The following INSR variants were observed in gnomAD, a reference collection of about 807,000 sequenced individuals.
The protein encoded by INSR is insulin receptor.
A neutral mutation model predicts 142.6 loss-of-function variants in INSR; 67 were observed. The observed-to-expected ratio is 0.47, with a 90% CI of 0.39 to 0.58. The LOEUF is 0.58. INSR is among the 20% of genes least tolerant of loss of function. INSR has a pLI of 0.00. For missense variants in INSR, 1,248 were observed against 1,833.2 expected, an observed-to-expected ratio of 0.68 and a Z score of 5.83; for synonymous variants, 756 against 743.1, an observed-to-expected ratio of 1.02 and a Z score of -0.28.
Position 7,294,154 on chromosome 19 carries a change from C to G in INSR, c.-263G>C, listed in dbSNP as rs1364874058. ...CCCCCCGGCCGCTGCGGCCCGGGCC[C>G]CGTCCCAGGATCTCGGGGCCCGGAG... On this transcript the variant is annotated 5_prime_UTR_variant, in exon 1 of 22. Coordinates refer to ENST00000302850, the MANE Select transcript of INSR (RefSeq NM_000208.4). The G allele has an allele frequency of 5.5e-6, 1 of 180,650 alleles. No homozygotes were observed. The highest frequency in any genetic ancestry group is 1.1e-5 in the Non-Finnish European group (1 of 88,218). 11.2% of individuals were successfully genotyped at this position (180,650 alleles called of 1,614,324 possible). A position where few individuals can be genotyped will look rare whatever the true frequency, so the allele number is the denominator to read the frequency against.
At chr19:7,138,127 C>T (rs1052161867) in intron 13 of INSR, among the ~76,000 whole-genome samples, 3 of 151,736 alleles carry the variant, frequency 2.0e-5, no homozygotes, top group African/African-American at 7.3e-5. Flanking sequence ...CCATGCCCGG[C>T]TAATTTTTTT....
rs1555733530 is a variant in INSR, at chr19:7,114,667, G to C, written c.*2389C>G. On this transcript the variant is annotated 3_prime_UTR_variant, in exon 22 of 22. Coordinates refer to ENST00000302850, the MANE Select transcript of INSR (RefSeq NM_000208.4). ...TCTTAACAATACACTGAGGTAGACTGTGCTGAAAAAAGAAAATCACTATCC... is the reference window on the plus strand; with the variant it reads ...TCTTAACAATACACTGAGGTAGACTCTGCTGAAAAAAGAAAATCACTATCC... The C allele has an allele frequency of 6.6e-6, 1 of 152,530 alleles. No individual in the cohort carries two copies. The highest frequency in any genetic ancestry group is 1.5e-5 in the Non-Finnish European group (1 of 68,026). The allele number at this position is 152,530 out of a possible 1,614,324, so 9.4% of individuals were successfully genotyped here.
intron 2 of INSR, among the ~76,000 whole-genome samples, chr19:7,201,128 T>C (rs1974942049): frequency 6.6e-6 from 1 of 152,070 alleles, no homozygotes; most frequent in Non-Finnish European, 1.5e-5. Flanking sequence ...GCATTTTGAG[T>C]CCATATAAAT....
intron 8 of INSR, 22 bp from the exon 9 acceptor site, chr19:7,163,221 G>A (rs1460251740): frequency 6.2e-7 from 1 of 1,600,930 alleles, no homozygotes; most frequent in Non-Finnish European, 8.6e-7. Context: ...AAAGGAAATG[G>A]GTCCATCATG....
Position 7,267,661 on chromosome 19 carries a change from T to G in INSR, c.336A>C (p.Ser112=). The G allele has an allele frequency of 6.2e-7, 1 of 1,614,030 alleles. No individual in the cohort carries two copies. The highest frequency in any genetic ancestry group is 8.5e-7 in the Non-Finnish European group (1 of 1,179,984). The part of the protein sequence containing the change: ...LFPNLTVIRG[S]RLFFNYALVI... Reference sequence around the variant, plus strand: ...CCAGCGCGTAGTTAAAGAACAGTCGTGATCCCCGGATGACCGTGAGGTTGG... The same window carrying G: ...CCAGCGCGTAGTTAAAGAACAGTCGGGATCCCCGGATGACCGTGAGGTTGG... Residue 112 remains serine (S), a synonymous_variant, in exon 2 of 22, where the codon TCA becomes TCC. Coordinates refer to ENST00000302850, the MANE Select transcript of INSR (RefSeq NM_000208.4). This position sits in a 1 kb window ranked among gnomAD's most constrained non-coding sequence, Gnocchi z 6.3.
rs1303587353 is a variant in INSR, at chr19:7,116,554, A to C, written c.*502T>G. ...TCAGCCTGGATGAGAGAAAAAAAAA[A>C]AACCAAAAAAACCATCTTGAAGCTC... On this transcript the variant is annotated 3_prime_UTR_variant, in exon 22 of 22. Transcript: ENST00000302850. 6.6e-6 allele frequency: 1 copy of C among 152,110 alleles called. No homozygotes were observed. Among genetic ancestry groups the C allele is most frequent in the African/African-American group, 2.4e-5 (1 of 41,290 alleles). The allele number at this position is 152,110 out of a possible 1,614,324, so 9.4% of individuals were successfully genotyped here. A position where few individuals can be genotyped will look rare whatever the true frequency, so the allele number is the denominator to read the frequency against.
At chr19:7,199,188 GT>G (rs1196417655) in intron 2 of INSR, among the ~76,000 whole-genome samples, 2 of 152,044 alleles carry the variant, frequency 1.3e-5, no homozygotes, top group Non-Finnish European at 2.9e-5. Context: ...TGTGTAATCT[GT>G]TTGCAGCACA....
intron 2 of INSR, among the ~76,000 whole-genome samples, chr19:7,218,533 CTGTT>C (rs925760015): frequency 6.6e-5 from 10 of 151,516 alleles, no homozygotes; most frequent in East Asian, 1.9e-4. Flanking sequence ...TTGTTTTTTT[CTGTT>C]TGTTTGTTTC....
At chr19:7,152,661 A>G in intron 10 of INSR, 65 bp downstream of exon 10, 1 of 1,344,728 alleles carries the variant, frequency 7.4e-7, no homozygotes, top group African/African-American at 1.4e-5. Flanking sequence ...GTCCCTAAGT[A>G]ATGACCTTCC....
Position 7,150,367 on chromosome 19 carries a change from C to T in INSR, c.2267+130G>A. The T allele has an allele frequency of 1.3e-6, 1 of 769,866 alleles. No individual in the cohort carries two copies. The highest frequency in any genetic ancestry group is 2.3e-6 in the Non-Finnish European group (1 of 444,368). 47.7% of individuals were successfully genotyped at this position (769,866 alleles called of 1,614,324 possible). ...TTGGATTTCTGAATTGGTGAAGCAT[C>T]TGCTCTCCAGCACAGCTGCCCGCCG... On this transcript the variant is annotated intron_variant, in intron 11 of 21. Coordinates refer to ENST00000302850, the MANE Select transcript of INSR (RefSeq NM_000208.4). This position sits in a 1 kb window ranked among gnomAD's most constrained non-coding sequence, Gnocchi z 4.2.
intron 13 of INSR, among the ~76,000 whole-genome samples, chr19:7,137,798 C>CAAAAAAAAAAA (rs1176523364): frequency 1.7e-4 from 7 of 41,482 alleles, no homozygotes; most frequent in African/African-American, 7.1e-4. Flanking sequence ...GACTCCATCT[C>CAAAAAAAAAAA]AAAAAAAAAA....
intron 19 of INSR, among the ~76,000 whole-genome samples, chr19:7,122,154 A>C (rs1972507411): frequency 6.7e-6 from 1 of 150,328 alleles, no homozygotes; most frequent in Non-Finnish European, 1.5e-5. Context: ...AAAAAAGAAA[A>C]AAAAAAAAAG....
intron 2 of INSR, among the ~76,000 whole-genome samples, chr19:7,237,037 A>T (rs1405468227): frequency 6.6e-6 from 1 of 151,758 alleles, no homozygotes; most frequent in Non-Finnish European, 1.5e-5. Context: ...AAAAAAAAAA[A>T]AAAAAAGATA....
At chr19:7,254,066 A>G (rs971124109) in intron 2 of INSR, among the ~76,000 whole-genome samples, 1 of 151,566 alleles carries the variant, frequency 6.6e-6, no homozygotes, top group Non-Finnish European at 1.5e-5. Context: ...AGAAAAAAGG[A>G]AAAGGAAAAA....
At chr19:7,255,536 C>CTT (rs1555687944) in intron 2 of INSR, among the ~76,000 whole-genome samples, 13 of 120,006 alleles carry the variant, frequency 1.1e-4, no homozygotes, top group African/African-American at 3.1e-4. Context: ...CTTGTCTTTT[C>CTT]TCTTTCTTTC....
chr19:7,268,451 A>C, intron 1 of INSR: 1 of 985,246 alleles, frequency 1.0e-6, no homozygotes, highest in Non-Finnish European at 1.2e-6. Context: ...CCCGATCTCC[A>C]TTGCCCAAAT....
chr19:7,118,248 T>C (rs531239212), intron 21 of INSR, among the ~76,000 whole-genome samples: 2 of 151,916 alleles, frequency 1.3e-5, no homozygotes, highest in South Asian at 4.2e-4. Flanking sequence ...TCTAAATATA[T>C]ATATATGTAC....
chr19:7,123,465 C>T lies in INSR; in HGVS notation c.3259-476G>A, dbSNP rs371892225. Among the ~76,000 whole-genome samples, 185 of 152,042 alleles carry T rather than the reference C, an allele frequency of 1.2e-3. 1 individual carries two copies. The highest frequency in any genetic ancestry group is 3.9e-3 in the African/African-American group (162 of 41,472). Reference sequence around the variant, plus strand: ...ATTATAGCCACTGCACCCAGCCAGGCCTTTGTATTTTAATCATTCCCTCTG... The same window carrying T: ...ATTATAGCCACTGCACCCAGCCAGGTCTTTGTATTTTAATCATTCCCTCTG... On this transcript the variant is annotated intron_variant, in intron 17 of 21. Transcript: ENST00000302850.
Position 7,267,868 on chromosome 19 carries a change from G to A in INSR, c.129C>T (p.Asn43=), listed in dbSNP as rs1271021867. The A allele has an allele frequency of 2.5e-6, 4 of 1,614,014 alleles. No individual in the cohort carries two copies. The South Asian group carries it at 3.3e-5, about 13-fold the overall frequency. ...EVCPGMDIRN[N]LTRLHELENC... ...TCTCCAGCTCATGCAACCTAGTGAG[G>A]TTGTTCCGGATATCCATGCCGGGAC... is the stretch of plus-strand genomic sequence containing the variant. The change falls in exon 2 of 22, where the codon AAC becomes AAT. Residue 43 remains asparagine, a synonymous_variant. Coordinates refer to ENST00000302850, the MANE Select transcript of INSR (RefSeq NM_000208.4). This position sits in a 1 kb window ranked among gnomAD's most constrained non-coding sequence, Gnocchi z 6.3.
Sources: allele counts gnomAD v4.1 joint callset (sites outside exome capture counted in the v4.1 genomes callset), GRCh38; gene constraint gnomAD v4.1.1; non-coding constraint Gnocchi (gnomAD v3.1); transcripts MANE v1.5; gene names NCBI Gene and HGNC (gene_info 2026-07-23, HGNC 2026-07-21).